NAALADL2: variants seen among roughly 807,000 people sequenced by gnomAD.
The protein encoded by NAALADL2 is inactive N-acetylated-alpha-linked acidic dipeptidase-like protein 2.
A neutral mutation model predicts 87.2 loss-of-function variants in NAALADL2; 76 were observed. That is an observed-to-expected ratio of 0.87 (90% confidence interval 0.72 to 1.05). NAALADL2 has a LOEUF of 1.05. Among genes scored for constraint, NAALADL2 ranks in the 50% least tolerant of loss-of-function variants. The pLI, the probability that NAALADL2 is intolerant of heterozygous loss-of-function variation, is 0.00. For synonymous variants in NAALADL2, 354 were observed against 331.0 expected, an observed-to-expected ratio of 1.07 and a Z score of -0.75; for missense variants, 1,089 against 945.8, an observed-to-expected ratio of 1.15 and a Z score of -1.99.
chr3:175,309,876 A>G (rs1758156057), intron 4 of NAALADL2, among the ~76,000 whole-genome samples: 1 of 152,172 alleles, frequency 6.6e-6, no homozygotes, highest in South Asian at 2.1e-4. Context: ...ATCCCTTTTT[A>G]TGAATGAACT....
At chr3:174,661,227 A>G (rs1022405299) in intron 2 of NAALADL2, among the ~76,000 whole-genome samples, 13 of 152,158 alleles carry the variant, frequency 8.5e-5, no homozygotes, top group Admixed American at 4.6e-4. Context: ...TATCCACTTG[A>G]TGTTACTTTT....
At chr3:175,104,853 G>A (rs2108445297) in intron 2 of NAALADL2, among the ~76,000 whole-genome samples, 1 of 152,224 alleles carries the variant, frequency 6.6e-6, no homozygotes, top group Middle Eastern at 3.4e-3. Context: ...GGATAAGATT[G>A]ATTTAATTAT....
At chr3:175,660,702 T>TC (rs1732133027) in intron 11 of NAALADL2, among the ~76,000 whole-genome samples, 1 of 152,210 alleles carries the variant, frequency 6.6e-6, no homozygotes, top group East Asian at 1.9e-4. Flanking sequence ...CATCCTATGC[T>TC]CTACCTCTGT....
chr3:175,395,214 G>C (rs111919548), intron 5 of NAALADL2, among the ~76,000 whole-genome samples: 85 of 152,044 alleles, frequency 5.6e-4, no homozygotes, highest in Non-Finnish European at 9.7e-4. Context: ...GGATGGTGGG[G>C]GACAGTGCAA....
intron 2 of NAALADL2, among the ~76,000 whole-genome samples, chr3:174,626,569 T>C (rs1343598047): frequency 2.0e-5 from 3 of 152,050 alleles, no homozygotes; most frequent in Non-Finnish European, 4.4e-5. Flanking sequence ...TGAAGTATTG[T>C]GTATAGTAAC....
intron 1 of NAALADL2, among the ~76,000 whole-genome samples, chr3:174,986,098 T>C (rs925908691): frequency 1.3e-5 from 2 of 151,960 alleles, no homozygotes; most frequent in Admixed American, 1.3e-4. Context: ...AAAAATTATA[T>C]GTTTGAAATC....
intron 2 of NAALADL2, among the ~76,000 whole-genome samples, chr3:174,731,354 G>T (rs1222995488): frequency 6.6e-6 from 1 of 152,054 alleles, no homozygotes. Flanking sequence ...TTGGTATATT[G>T]TCTTTCCTTT....
chr3:174,596,850 A>T (rs1187365767), intron 2 of NAALADL2, among the ~76,000 whole-genome samples: 1 of 152,172 alleles, frequency 6.6e-6, no homozygotes, highest in African/African-American at 2.4e-5. Flanking sequence ...GTCCCAAAGG[A>T]ATGCCTTGCC....
At chr3:174,997,634 G>C (rs1747686388) in intron 1 of NAALADL2, among the ~76,000 whole-genome samples, 1 of 152,112 alleles carries the variant, frequency 6.6e-6, no homozygotes, top group South Asian at 2.1e-4. Flanking sequence ...AGACCAGCCT[G>C]GTGAAACATT....
intron 9 of NAALADL2, among the ~76,000 whole-genome samples, chr3:175,534,074 T>TATTTATAATAAAGAA: frequency 6.6e-6 from 1 of 151,332 alleles, no homozygotes; most frequent in African/African-American, 2.4e-5. Flanking sequence ...ATAAATTATT[T>TATTTATAATAAAGAA]ATTATGCCAA....
In NAALADL2 at chr3:175,550,970, A is replaced by T. The variant is rs547037358; in HGVS notation, c.1654-25071A>T. On this transcript the variant is annotated intron_variant, in intron 9 of 13. Coordinates refer to ENST00000454872, the MANE Select transcript of NAALADL2 (RefSeq NM_207015.3). ...AGGATTCAAGGTTGATTTCAAATGG[A>T]TTTATCTGTTGTGGTAGAGTTGGGC... is the stretch of plus-strand genomic sequence containing the variant. Among the ~76,000 whole-genome samples, 4 of 152,278 alleles carry T rather than the reference A, an allele frequency of 2.6e-5. No homozygotes were observed. The East Asian group carries it at 5.8e-4, about 22-fold the overall frequency.
intron 3 of NAALADL2, among the ~76,000 whole-genome samples, chr3:174,763,777 G>GATCT (rs1560204974): frequency 7.0e-6 from 1 of 143,492 alleles, no homozygotes; most frequent in Non-Finnish European, 1.5e-5. Flanking sequence ...GATTTATAAA[G>GATCT]ATCTATACAT....
intron 3 of NAALADL2, among the ~76,000 whole-genome samples, chr3:174,840,559 A>G (rs185619727): frequency 3.1e-3 from 472 of 152,302 alleles, no homozygotes; most frequent in Non-Finnish European, 5.6e-3. Context: ...CTCTATTTTT[A>G]GATGTACTTT....
intron 4 of NAALADL2, among the ~76,000 whole-genome samples, chr3:175,260,009 C>A (rs1750739706): frequency 6.6e-6 from 1 of 151,536 alleles, no homozygotes; most frequent in African/African-American, 2.4e-5. Context: ...GCCTGGGTGA[C>A]AGAATGAAAC....
intron 2 of NAALADL2, among the ~76,000 whole-genome samples, chr3:174,610,817 A>G (rs1719756791): frequency 6.6e-6 from 1 of 152,212 alleles, no homozygotes; most frequent in Non-Finnish European, 1.5e-5. Flanking sequence ...ATTACTGGGT[A>G]TATACCCAAA....
intron 2 of NAALADL2, among the ~76,000 whole-genome samples, chr3:174,601,015 C>T (rs556936133): frequency 6.2e-4 from 95 of 152,136 alleles, no homozygotes; most frequent in Non-Finnish European, 1.1e-3. Flanking sequence ...ATAATAATCA[C>T]ATCAGGGTAA....
At chr3:174,529,641 TC>T (rs1721063493) in intron 1 of NAALADL2, among the ~76,000 whole-genome samples, 1 of 152,214 alleles carries the variant, frequency 6.6e-6, no homozygotes, top group African/African-American at 2.4e-5. Context: ...CCAGGCATTT[TC>T]ATACATCCTT....
chr3:174,873,238 T>G (rs1728072775), intron 1 of NAALADL2, among the ~76,000 whole-genome samples: 1 of 76,714 alleles, frequency 1.3e-5, no homozygotes, highest in Non-Finnish European at 3.0e-5. Flanking sequence ...TCTTTATTTA[T>G]TTATTTATTT....
chr3:175,630,977 T>C (rs1470608020), intron 11 of NAALADL2, among the ~76,000 whole-genome samples: 1 of 151,356 alleles, frequency 6.6e-6, no homozygotes, highest in Non-Finnish European at 1.5e-5. Flanking sequence ...TTTTTATTTC[T>C]CCCAATAAAA....
Sources: allele counts gnomAD v4.1 joint callset (sites outside exome capture counted in the v4.1 genomes callset), GRCh38; gene constraint gnomAD v4.1.1; transcripts MANE v1.5; gene names NCBI Gene and HGNC (gene_info 2026-07-23, HGNC 2026-07-21).